SSH2: variants seen among roughly 807,000 people sequenced by gnomAD.
SSH2 encodes the protein protein phosphatase Slingshot homolog 2.
SSH2 carries 37 observed loss-of-function variants against 135.2 expected under a neutral mutation model. The observed-to-expected ratio is 0.27, with a 90% CI of 0.21 to 0.36. The LOEUF (loss-of-function observed/expected upper bound fraction) is 0.36, where lower values mean the gene tolerates loss of function less well. SSH2 is among the 10% of genes least tolerant of loss of function. The pLI is 1.00. For synonymous variants in SSH2, 628 were observed against 646.2 expected (o/e 0.97, Z 0.43); for missense variants, 1,408 against 1,765.3 (o/e 0.80, Z 3.63).
chr17:29,758,861 A>G (rs565385557), intron 3 of SSH2, among the ~76,000 whole-genome samples: 1 of 151,890 alleles, frequency 6.6e-6, no homozygotes, highest in African/African-American at 2.4e-5. Flanking sequence ...TAATCCTCCT[A>G]CCTCAGCCTC....
chr17:29,749,765 T>C (rs987181058), intron 3 of SSH2, among the ~76,000 whole-genome samples: 2 of 152,232 alleles, frequency 1.3e-5, no homozygotes, highest in African/African-American at 4.8e-5. Flanking sequence ...TCTTACTCTG[T>C]TGCCAGGCTG....
chr17:29,902,736 C>A (rs2066581330), intron 1 of SSH2, among the ~76,000 whole-genome samples: 1 of 151,886 alleles, frequency 6.6e-6, no homozygotes, highest in Non-Finnish European at 1.5e-5. Context: ...GAAAGAACAC[C>A]CTTGCCTTCT....
intron 1 of SSH2, among the ~76,000 whole-genome samples, chr17:29,899,242 C>T (rs1296496061): frequency 2.0e-5 from 3 of 152,010 alleles, no homozygotes; most frequent in Admixed American, 2.0e-4. Flanking sequence ...CCTCTCTCAC[C>T]ACTCCTATTC....
In SSH2 at chr17:29,636,490, T is replaced by C. The variant is rs2035920116; in HGVS notation, c.1740A>G (p.Gly580=). 6.2e-7 allele frequency: 1 copy of C among 1,614,230 alleles called. No individual in the cohort carries two copies. Among genetic ancestry groups the C allele is most frequent in the Non-Finnish European group, 8.5e-7 (1 of 1,180,044 alleles). Residue 580 remains glycine, a synonymous_variant, in exon 15 of 16, where the codon GGA becomes GGG. Transcript: ENST00000540801. ...CATTCAGACAACACCCTGATGAGCA[T>C]CCATTGATGTCATTTAAGTTTAATT... ...EDELNLNDIN[G]CSSGCCLNES...
At chr17:29,692,477 T>A (rs552950247) in intron 5 of SSH2, among the ~76,000 whole-genome samples, 68 of 152,370 alleles carry the variant, frequency 4.5e-4, no homozygotes, top group African/African-American at 1.6e-3. Flanking sequence ...TCTGAATTTA[T>A]ATTTTATAAA....
At chr17:29,667,313 T>C in intron 9 of SSH2, 90 bp from the exon 10 acceptor site, 1 of 1,015,652 alleles carries the variant, frequency 9.8e-7, no homozygotes. Flanking sequence ...GATCCTGTCT[T>C]CTTCAATAAG....
intron 7 of SSH2, 26 bp from the exon 8 acceptor site, chr17:29,676,911 A>C (rs2037745565): frequency 6.3e-7 from 1 of 1,597,056 alleles, no homozygotes; most frequent in Non-Finnish European, 8.6e-7. Context: ...AACAAGACAA[A>C]AATCCACAAA....
intron 3 of SSH2, among the ~76,000 whole-genome samples, chr17:29,747,531 C>T (rs940265308): frequency 6.6e-6 from 1 of 152,214 alleles, no homozygotes; most frequent in Non-Finnish European, 1.5e-5. Context: ...TTACTGGCTA[C>T]ACCCTTTCCA....
intron 2 of SSH2, among the ~76,000 whole-genome samples, chr17:29,800,233 C>T (rs1044432725): frequency 4.6e-5 from 7 of 151,808 alleles, no homozygotes; most frequent in African/African-American, 1.7e-4. Context: ...AAAAACTAAG[C>T]ATATCAAAGC....
intron 2 of SSH2, among the ~76,000 whole-genome samples, chr17:29,835,977 G>A (rs1486094215): frequency 1.3e-5 from 2 of 150,110 alleles, no homozygotes; most frequent in Admixed American, 6.6e-5. Context: ...AAAAAAAAAG[G>A]AAGCATTTTA....
At chr17:29,740,563 T>C (rs1294995185) in intron 3 of SSH2, among the ~76,000 whole-genome samples, 1 of 152,184 alleles carries the variant, frequency 6.6e-6, no homozygotes, top group African/African-American at 2.4e-5. Context: ...TTTTCTCCTA[T>C]ATTCAATACT....
rs1248512330 is a variant in SSH2 at position 29,756,456 on chromosome 17, G to GCCTA, written c.188+37437_188+37438insTAGG. On this transcript the variant is annotated intron_variant, in intron 3 of 15. Transcript: ENST00000540801. ...TGCCTGCCTGCCTGCCTGCCTATCTGTCTATCTATCCATCCACCCACCCAC... is the reference window on the plus strand; with the variant it reads ...TGCCTGCCTGCCTGCCTGCCTATCTGCCTATCTATCTATCCATCCACCCACCCAC... 3.5e-3 allele frequency among the ~76,000 whole-genome samples: 159 copies of GCCTA among 45,960 alleles called. 2 individuals carry two copies. Among genetic ancestry groups the GCCTA allele is most frequent in the South Asian group, 0.013 (22 of 1,646 alleles). The allele number at this position is 45,960 out of a possible 152,430, so 30.2% of individuals were successfully genotyped here.
chr17:29,667,079 C>T, intron 10 of SSH2, 51 bp downstream of exon 10: 1 of 1,604,534 alleles, frequency 6.2e-7, no homozygotes, highest in Non-Finnish European at 8.5e-7. Context: ...CCCACACCTA[C>T]TGTTATCCCA....
At position 29,631,892 on chromosome 17, in the gene SSH2, T is replaced by A; in HGVS notation, c.3302A>T (p.Gln1101Leu). Residue 1101 changes from glutamine to leucine, a missense_variant, in exon 16 of 16, where the codon CAA (glutamine) becomes CTA (leucine). Gln to Leu is a moderately radical substitution (Grantham distance 113). Transcript: ENST00000540801. ...LDPNQVSLHP[Q>L]VLPLPHSSSP... ...GGAAGAATGAGGCAGAGGTAGCACT[T>A]GGGGGTGCAGAGAAACCTGGTTGGG... is the stretch of plus-strand genomic sequence containing the variant. 1 of 1,614,124 alleles carries A rather than the reference T, an allele frequency of 6.2e-7. No homozygotes were observed. Among genetic ancestry groups the A allele is most frequent in the South Asian group, 1.1e-5 (1 of 91,080 alleles).
At chr17:29,858,561 T>C (rs1463152063) in intron 1 of SSH2, among the ~76,000 whole-genome samples, 1 of 152,120 alleles carries the variant, frequency 6.6e-6, no homozygotes, top group African/African-American at 2.4e-5. Flanking sequence ...TGGGCCCTAA[T>C]CCAATATGAC....
At position 29,866,838 on chromosome 17, in the gene SSH2, A is replaced by G. The variant is rs187410412; in HGVS notation, c.64-17909T>C. ...TGTTCTGTGTAGTTTTATTTATTTTATTTTTATTTTTAGAGACAAGGTCTC... is the reference window on the plus strand; with the variant it reads ...TGTTCTGTGTAGTTTTATTTATTTTGTTTTTATTTTTAGAGACAAGGTCTC... On this transcript the variant is annotated intron_variant, in intron 1 of 15. Transcript: ENST00000540801. Among the ~76,000 whole-genome samples the G allele has an allele frequency of 1.6e-4, 25 of 151,930 alleles. No homozygotes were observed. In the East Asian group the frequency reaches 3.7e-3, roughly 22 times the overall value.
intron 13 of SSH2, 82 bp downstream of exon 13, chr17:29,650,572 T>C: frequency 2.3e-6 from 3 of 1,314,690 alleles, no homozygotes; most frequent in Non-Finnish European, 3.1e-6. Context: ...ATCAGTAAGT[T>C]GTCTATAGCC....
At chr17:29,816,138 C>T (rs956065254) in intron 2 of SSH2, among the ~76,000 whole-genome samples, 1 of 152,116 alleles carries the variant, frequency 6.6e-6, no homozygotes, top group Non-Finnish European at 1.5e-5. Flanking sequence ...TGTGAGCTAC[C>T]ATGCCTGGCC....
intron 1 of SSH2, among the ~76,000 whole-genome samples, chr17:29,895,181 TA>T (rs2066422856): frequency 6.9e-6 from 1 of 145,366 alleles, no homozygotes; most frequent in Admixed American, 7.1e-5. Flanking sequence ...ACATTATACA[TA>T]TATTTTATAT....
Sources: allele counts gnomAD v4.1 joint callset (sites outside exome capture counted in the v4.1 genomes callset), GRCh38; gene constraint gnomAD v4.1.1; transcripts MANE v1.5; gene names NCBI Gene and HGNC (gene_info 2026-07-23, HGNC 2026-07-21).